SYT3: variants seen among roughly 807,000 people sequenced by gnomAD.
SYT3 encodes synaptotagmin 3, also known as synaptotagmin-3.
Under a neutral mutation model 50.6 loss-of-function variants are expected in SYT3, and 25 were observed. That is an observed-to-expected ratio of 0.49 (90% CI 0.36 to 0.69). The LOEUF (loss-of-function observed/expected upper bound fraction) is 0.69. SYT3 is among the 30% of genes least tolerant of loss of function. The pLI is 0.00. For missense variants in SYT3, 589 were observed against 793.6 expected, an observed-to-expected ratio of 0.74 and a Z score of 3.10; for synonymous variants, 323 against 353.9, an observed-to-expected ratio of 0.91 and a Z score of 0.98.
chr19:50,626,035 G>A lies in SYT3; in HGVS notation c.1282-18C>T, dbSNP rs775203020. The A allele has an allele frequency of 1.2e-6, 2 of 1,611,862 alleles. No individual in the cohort carries two copies. Among genetic ancestry groups the A allele is most frequent in the Non-Finnish European group, 1.7e-6 (2 of 1,178,970 alleles). ...GCTTTTTCCTGCAGTTGGGGAAAAG[G>A]TCAGCGATATCTTGCCTCAGCCCCT... On this transcript the variant is annotated intron_variant, in intron 6 of 10. Transcript: ENST00000600079.
At chr19:50,653,101 G>A in the SYT3 span, among the ~76,000 whole-genome samples, 1 of 152,096 alleles carries the variant, frequency 6.6e-6, no homozygotes, top group Admixed American at 6.5e-5. Flanking sequence ...GCAGTGGCAC[G>A]ATCCCGGCTC....
chr19:50,648,898 T>G, the SYT3 span, among the ~76,000 whole-genome samples: 2 of 143,562 alleles, frequency 1.4e-5, no homozygotes, highest in African/African-American at 2.6e-5. Context: ...TAGGAGAGGA[T>G]AGAGATGGGG....
upstream of SYT3, among the ~76,000 whole-genome samples, chr19:50,643,835 A>G (rs1468634007): frequency 6.6e-6 from 1 of 152,152 alleles, no homozygotes; most frequent in Non-Finnish European, 1.5e-5. Context: ...TAGGATCCTC[A>G]TACTAGGATC....
chr19:50,656,885 G>A, the SYT3 span, among the ~76,000 whole-genome samples: 1 of 151,828 alleles, frequency 6.6e-6, no homozygotes, highest in Non-Finnish European at 1.5e-5. Context: ...CTGGGAGGTG[G>A]AGGTTGCAGT....
chr19:50,641,080 A>G (rs531042487), upstream of SYT3, among the ~76,000 whole-genome samples: 1 of 151,326 alleles, frequency 6.6e-6, no homozygotes, highest in Non-Finnish European at 1.5e-5. Flanking sequence ...AAAAACCAAA[A>G]CAAAACCAAA....
At position 50,623,613 on chromosome 19, in the gene SYT3, C is replaced by CAAAAAAAAAAAAAAAAAA. The variant is rs529397903; in HGVS notation, c.1708-876_1708-859dup. ...ACAACATGGCAAAACCCTGTCTCTA[C>CAAAAAAAAAAAAAAAAAA]AAAAAAAAAAAAAAAAAAAAAAAAA... On this transcript the variant is annotated intron_variant, in intron 9 of 10. Coordinates refer to ENST00000600079, the MANE Select transcript of SYT3 (RefSeq NM_001160329.2). Among the ~76,000 whole-genome samples the CAAAAAAAAAAAAAAAAAA allele has an allele frequency of 2.7e-4, 25 of 91,616 alleles. 1 individual carries two copies. The highest frequency in any genetic ancestry group is 3.5e-4 in the Non-Finnish European group (17 of 48,482). The allele number at this position is 91,616 out of a possible 152,430, so 60.1% of individuals were successfully genotyped here.
intron 4 of SYT3, among the ~76,000 whole-genome samples, chr19:50,631,512 C>T (rs1172808140): frequency 6.6e-6 from 1 of 152,112 alleles, no homozygotes; most frequent in Non-Finnish European, 1.5e-5. Flanking sequence ...GTGACTAAGG[C>T]TTGGTGCCCT....
chr19:50,623,986 G>C (rs1182591413), intron 9 of SYT3, among the ~76,000 whole-genome samples: 1 of 150,682 alleles, frequency 6.6e-6, no homozygotes, highest in Non-Finnish European at 1.5e-5. Flanking sequence ...TTAAGGAGAG[G>C]GGTTCCTGCT....
At chr19:50,644,953 A>G in the SYT3 span, among the ~76,000 whole-genome samples, 3 of 152,148 alleles carry the variant, frequency 2.0e-5, no homozygotes, top group African/African-American at 7.2e-5. Context: ...GGATGGATGG[A>G]TGGGTGACTG....
chr19:50,640,947 T>C (rs187731410), upstream of SYT3, among the ~76,000 whole-genome samples: 774 of 152,146 alleles, frequency 5.1e-3, 7 homozygotes, highest in African/African-American at 0.018. Flanking sequence ...AATCAAAGGC[T>C]GGGCTGACAC....
chr19:50,628,643 T>C (rs1217297397), intron 6 of SYT3, among the ~76,000 whole-genome samples: 1 of 151,872 alleles, frequency 6.6e-6, no homozygotes, highest in Non-Finnish European at 1.5e-5. Flanking sequence ...AGTCCAGTCA[T>C]TGGAAAGTCA....
At chr19:50,654,925 G>A in the SYT3 span, among the ~76,000 whole-genome samples, 6 of 152,216 alleles carry the variant, frequency 3.9e-5, no homozygotes, top group East Asian at 3.8e-4. Context: ...TTGGTGAGAA[G>A]ATTTAGAGAT....
At position 50,629,413 on chromosome 19, in the gene SYT3, C is replaced by A. The variant is rs372317846; in HGVS notation, c.1162G>T (p.Asp388Tyr). 2 of 1,613,954 alleles carry A rather than the reference C, an allele frequency of 1.2e-6. No homozygotes were observed. Among genetic ancestry groups the A allele is most frequent in the African/African-American group, 1.3e-5 (1 of 74,914 alleles). The change falls in exon 6 of 11, where the codon GAC (aspartate) becomes TAC (tyrosine). Residue 388 changes from aspartate to tyrosine, a missense_variant. Transcript: ENST00000600079. The stretch of plus-strand genomic sequence containing the variant: ...TCGTGCCGCGAGAAGCGGTCAAAGT[C>A]ATAGACGCTGAAGTGCAGTTTGCGT... ...AQRKLHFSVY[D>Y]FDRFSRHDLI... is the part of the protein sequence containing the mutation.
intron 6 of SYT3, among the ~76,000 whole-genome samples, chr19:50,628,203 A>G (rs1248251002): frequency 6.6e-6 from 1 of 152,222 alleles, no homozygotes; most frequent in Non-Finnish European, 1.5e-5. Flanking sequence ...GAGAACTGGA[A>G]TGTTGGATAA....
intron 6 of SYT3, 22 bp downstream of exon 6, chr19:50,629,272 G>A (rs1227388164): frequency 6.3e-7 from 1 of 1,574,928 alleles, no homozygotes. Context: ...GAAGGGGAAG[G>A]TCAGGGGAGA....
intron 6 of SYT3, among the ~76,000 whole-genome samples, chr19:50,627,379 G>A (rs540593722): frequency 6.6e-6 from 1 of 152,234 alleles, no homozygotes; most frequent in African/African-American, 2.4e-5. Context: ...GCTGCCGAGG[G>A]CTGCCTGGGG....
At position 50,634,551 on chromosome 19, in the gene SYT3, T is replaced by TC. The variant is rs1404062208; in HGVS notation, c.149-1741dup. 2.0e-5 allele frequency among the ~76,000 whole-genome samples: 3 copies of TC among 147,850 alleles called. No individual in the cohort carries two copies. In the Admixed American group the frequency reaches 2.0e-4, roughly 10 times the overall value. ...CTGGCAGAAGAACTCTGGGTTTCCT[T>TC]CCCCCCTCCCTCTTGGGGTGCTTTT... On this transcript the variant is annotated intron_variant, in intron 3 of 10. Coordinates refer to ENST00000600079, the MANE Select transcript of SYT3 (RefSeq NM_001160329.2).
chr19:50,652,216 G>T, the SYT3 span, among the ~76,000 whole-genome samples: 1 of 152,098 alleles, frequency 6.6e-6, no homozygotes, highest in East Asian at 1.9e-4. Flanking sequence ...TCTCAAAATT[G>T]TATTTTTTTA....
rs759838070 is a variant in SYT3 at position 50,629,342 on chromosome 19, C to G, written c.1233G>C (p.Glu411Asp). ...VVLDNLLELA[E>D]QPPDRPLWRD... ...TCCAGAGCGGGCGGTCAGGGGGCTGCTCGGCCAGCTCCAGGAGGTTGTCCA... is the reference window on the plus strand; with the variant it reads ...TCCAGAGCGGGCGGTCAGGGGGCTGGTCGGCCAGCTCCAGGAGGTTGTCCA... Residue 411 changes from glutamate (E) to aspartate (D), a missense_variant, in exon 6 of 11, where the codon GAG becomes GAC. Around this residue, in one of 2 missense-constraint regions of SYT3, gnomAD observed 273 missense variants for 439.3 expected, o/e 0.62. Coordinates refer to ENST00000600079, the MANE Select transcript of SYT3 (RefSeq NM_001160329.2). The G allele has an allele frequency of 6.2e-7, 1 of 1,613,174 alleles. No individual in the cohort carries two copies. Among genetic ancestry groups the G allele is most frequent in the Non-Finnish European group, 8.5e-7 (1 of 1,179,544 alleles).
Sources: allele counts gnomAD v4.1 joint callset (sites outside exome capture counted in the v4.1 genomes callset), GRCh38; gene constraint gnomAD v4.1.1; regional missense constraint gnomAD v4.1.1; transcripts MANE v1.5; gene names NCBI Gene and HGNC (gene_info 2026-07-23, HGNC 2026-07-21).